The following BBX variants were observed in gnomAD, a reference collection of about 807,000 sequenced individuals.
BBX encodes HMG box transcription factor BBX.
BBX carries 30 observed loss-of-function variants against 100.2 expected under a neutral mutation model. The ratio of observed to expected loss-of-function variants is 0.30; its 90% CI spans 0.22 to 0.41. The LOEUF is 0.41. Among genes scored for constraint, BBX ranks in the 10% least tolerant of loss-of-function variants. The pLI, the probability that BBX is intolerant of heterozygous loss-of-function variation, is 1.00. For synonymous variants in BBX, 376 were observed against 388.1 expected, an observed-to-expected ratio of 0.97 and a Z score of 0.37; for missense variants, 1,023 against 1,129.8, an observed-to-expected ratio of 0.91 and a Z score of 1.35.
chr3:107,688,839 A>G (rs1576342946), intron 3 of BBX, among the ~76,000 whole-genome samples: 1 of 152,202 alleles, frequency 6.6e-6, no homozygotes, highest in African/African-American at 2.4e-5. Flanking sequence ...AAGAGCTATG[A>G]AAGAATTTGC....
At chr3:107,677,554 G>C (rs538464888) in intron 3 of BBX, 1 of 152,156 alleles carries the variant, frequency 6.6e-6, no homozygotes, top group Admixed American at 6.5e-5. Context: ...CTGCCTACAT[G>C]CTCAGAACAG....
At position 107,807,300 on chromosome 3, in the gene BBX, G is replaced by C. The variant is rs550341220; in HGVS notation, c.*1843G>C. On this transcript the variant is annotated 3_prime_UTR_variant, in exon 18 of 18. Coordinates refer to ENST00000325805, the MANE Select transcript of BBX (RefSeq NM_001142568.3). ...ATGGAGGAAGAAGGCATTAGTAAAA[G>C]GTTAATCAAACGTTACAACTTAACC... is the stretch of plus-strand genomic sequence containing the variant. The C allele has an allele frequency of 6.6e-6, 1 of 152,004 alleles. No homozygotes were observed. The highest frequency in any genetic ancestry group is 1.5e-5 in the Non-Finnish European group (1 of 67,994). The allele number at this position is 152,004 out of a possible 1,614,324, so 9.4% of individuals were successfully genotyped here. A position where few individuals can be genotyped will look rare whatever the true frequency, so the allele number is the denominator to read the frequency against.
intron 9 of BBX, among the ~76,000 whole-genome samples, chr3:107,754,886 A>T (rs976671918): frequency 3.3e-5 from 5 of 152,232 alleles, no homozygotes; most frequent in African/African-American, 4.8e-5. Flanking sequence ...GTTTTTATTT[A>T]AAAAATGAGA....
intron 2 of BBX, among the ~76,000 whole-genome samples, chr3:107,616,976 AT>A (rs1174400437): frequency 1.3e-5 from 2 of 152,084 alleles, no homozygotes; most frequent in Admixed American, 6.6e-5. Context: ...CTAGCTCTAG[AT>A]TCTAAGATTT....
At chr3:107,688,027 C>A (rs2059946196) in intron 3 of BBX, among the ~76,000 whole-genome samples, 1 of 152,056 alleles carries the variant, frequency 6.6e-6, no homozygotes, top group African/African-American at 2.4e-5. Flanking sequence ...AGCACTCTAG[C>A]CTGCGTGATG....
intron 2 of BBX, among the ~76,000 whole-genome samples, chr3:107,620,634 AGTTTTTCAT>A (rs2055673773): frequency 6.6e-6 from 1 of 152,278 alleles, no homozygotes; most frequent in East Asian, 1.9e-4. Context: ...TGGAAAAAGG[AGTTTTTCAT>A]TCCTGCTGGG....
In BBX at chr3:107,541,318, A is replaced by AT. The variant is rs1008374034; in HGVS notation, c.-84+14929dup. ...GCAAAATTTATCTTTTTGAGCTAAA[A>AT]TTTTTTTTTCTTGTACTTAATTTCA... On this transcript the variant is annotated intron_variant, in intron 2 of 17. Coordinates refer to ENST00000325805, the MANE Select transcript of BBX (RefSeq NM_001142568.3). 3.3e-5 allele frequency among the ~76,000 whole-genome samples: 5 copies of AT among 151,802 alleles called. No homozygotes were observed. The East Asian group carries it at 7.7e-4, about 23-fold the overall frequency.
In BBX at chr3:107,805,551, A is replaced by G; in HGVS notation, c.*94A>G. 1 of 1,604,686 alleles carries G rather than the reference A, an allele frequency of 6.2e-7. No homozygotes were observed. The highest frequency in any genetic ancestry group is 8.5e-7 in the Non-Finnish European group (1 of 1,174,316). On this transcript the variant is annotated 3_prime_UTR_variant, in exon 18 of 18. Transcript: ENST00000325805. ...AGTGAGTCCAAGTGGTGGAAAATAT[A>G]GACTGCAAACAAGTGCTTGTTGCCC... is the stretch of plus-strand genomic sequence containing the variant.
chr3:107,537,956 T>C (rs775062699), intron 2 of BBX, among the ~76,000 whole-genome samples: 1 of 152,228 alleles, frequency 6.6e-6, no homozygotes, highest in Non-Finnish European at 1.5e-5. Context: ...CCCCAATGTT[T>C]ACATTAAAGC....
intron 8 of BBX, among the ~76,000 whole-genome samples, chr3:107,746,289 C>T (rs2064593092): frequency 6.6e-6 from 1 of 151,980 alleles, no homozygotes. Context: ...GTTTATAATT[C>T]CTAAGATTAC....
At chr3:107,723,794 T>C (rs1435568536) in intron 5 of BBX, among the ~76,000 whole-genome samples, 1 of 152,236 alleles carries the variant, frequency 6.6e-6, no homozygotes, top group Non-Finnish European at 1.5e-5. Flanking sequence ...CCACATTTTC[T>C]TAATCCAGAC....
intron 3 of BBX, among the ~76,000 whole-genome samples, chr3:107,706,586 C>A (rs1183881333): frequency 6.6e-6 from 1 of 151,948 alleles, no homozygotes; most frequent in Non-Finnish European, 1.5e-5. Context: ...AGTTAAATAA[C>A]CTGATTTCAA....
chr3:107,728,484 G>A (rs1321292764), intron 5 of BBX, among the ~76,000 whole-genome samples: 1 of 152,064 alleles, frequency 6.6e-6, no homozygotes, highest in Non-Finnish European at 1.5e-5. Flanking sequence ...TTTCCCCACC[G>A]AGGTCAGAAA....
intron 3 of BBX, among the ~76,000 whole-genome samples, chr3:107,653,735 C>T (rs562346538): frequency 5.3e-5 from 8 of 152,222 alleles, no homozygotes; most frequent in South Asian, 2.1e-4. Context: ...TTTAGAGTAT[C>T]GAACATTACC....
chr3:107,772,121 C>CT (rs1576733035), intron 10 of BBX, among the ~76,000 whole-genome samples: 1 of 152,010 alleles, frequency 6.6e-6, no homozygotes, highest in East Asian at 1.9e-4. Flanking sequence ...ATTTGAAACA[C>CT]TTTCGTTTTC....
chr3:107,580,243 A>G (rs928251750), intron 2 of BBX, among the ~76,000 whole-genome samples: 2 of 152,116 alleles, frequency 1.3e-5, no homozygotes, highest in African/African-American at 2.4e-5. Context: ...TTTTTCATGA[A>G]AAAATAGTTT....
At chr3:107,531,742 C>T (rs924027204) in intron 2 of BBX, among the ~76,000 whole-genome samples, 2 of 152,242 alleles carry the variant, frequency 1.3e-5, no homozygotes, top group East Asian at 3.9e-4. Context: ...CAGTAAAGTA[C>T]AGTCCTCCTT....
At chr3:107,525,731 C>G (rs567770819) in intron 1 of BBX, among the ~76,000 whole-genome samples, 1 of 152,224 alleles carries the variant, frequency 6.6e-6, no homozygotes, top group African/African-American at 2.4e-5. Context: ...TGGCCCTGCA[C>G]TTGCCGCTGT....
intron 16 of BBX, among the ~76,000 whole-genome samples, chr3:107,798,947 G>A (rs1459943555): frequency 1.3e-5 from 2 of 151,354 alleles, no homozygotes; most frequent in East Asian, 1.9e-4. Context: ...TCAGGAGATC[G>A]AGACCATCCT....
Sources: allele counts gnomAD v4.1 joint callset (sites outside exome capture counted in the v4.1 genomes callset), GRCh38; gene constraint gnomAD v4.1.1; transcripts MANE v1.5; gene names NCBI Gene and HGNC (gene_info 2026-07-23, HGNC 2026-07-21).